SLC4A4: variants seen among roughly 807,000 people sequenced by gnomAD.
The protein encoded by SLC4A4 is solute carrier family 4 member 4.
Under a neutral mutation model 111.5 loss-of-function variants are expected in SLC4A4, and 27 were observed. That is an observed-to-expected ratio of 0.24 (90% CI 0.18 to 0.33). The LOEUF (loss-of-function observed/expected upper bound fraction) is 0.33, where lower values mean the gene tolerates loss of function less well. Among genes scored for constraint, SLC4A4 ranks in the 10% least tolerant of loss-of-function variants. The probability of loss-of-function intolerance (pLI) is 1.00; values close to 1 mark genes in which losing one functional copy is unlikely to be tolerated. For missense variants in SLC4A4, 909 were observed against 1,315.5 expected, an observed-to-expected ratio of 0.69 and a Z score of 4.78; for synonymous variants, 443 against 463.4, an observed-to-expected ratio of 0.96 and a Z score of 0.57.
intron 2 of SLC4A4, among the ~76,000 whole-genome samples, chr4:71,101,050 G>C (rs531181057): frequency 4.6e-5 from 7 of 152,148 alleles, no homozygotes; most frequent in African/African-American, 1.7e-4. Context: ...ACGAGGTCAG[G>C]AGATTGAGAG....
chr4:71,319,340 A>G (rs1726945647), intron 3 of SLC4A4, among the ~76,000 whole-genome samples: 1 of 151,932 alleles, frequency 6.6e-6, no homozygotes, highest in African/African-American at 2.4e-5. Flanking sequence ...AGTTGGTTAT[A>G]TGCCTTTACC....
At chr4:71,451,410 A>G (rs1560520284) in intron 11 of SLC4A4, 109 bp downstream of exon 11, 4 of 765,696 alleles carry the variant, frequency 5.2e-6, no homozygotes, top group South Asian at 2.9e-5. Flanking sequence ...TCAGCCAACA[A>G]ATATTTATGG....
intron 18 of SLC4A4, among the ~76,000 whole-genome samples, chr4:71,536,464 A>ATATATATATATATATATAT (rs1491184065): frequency 3.8e-5 from 2 of 53,330 alleles, no homozygotes; most frequent in Non-Finnish European, 3.8e-5. Flanking sequence ...ATACATATAT[A>ATATATATATATATATATAT]CATATATATA....
At chr4:71,388,092 T>A (rs527682563) in intron 6 of SLC4A4, among the ~76,000 whole-genome samples, 168 of 152,316 alleles carry the variant, frequency 1.1e-3, no homozygotes, top group African/African-American at 3.6e-3. Flanking sequence ...CGTTGATAGG[T>A]TTTCCCTCTT....
intron 6 of SLC4A4, among the ~76,000 whole-genome samples, chr4:71,363,245 G>A (rs1730959419): frequency 6.6e-6 from 1 of 152,162 alleles, no homozygotes; most frequent in Non-Finnish European, 1.5e-5. Context: ...AGTAATTTTA[G>A]GCTCCAGTGA....
At chr4:71,478,665 T>C (rs994411205) in intron 14 of SLC4A4, among the ~76,000 whole-genome samples, 7 of 151,446 alleles carry the variant, frequency 4.6e-5, no homozygotes, top group Non-Finnish European at 8.9e-5. Flanking sequence ...GATGGGTTGA[T>C]GGGTACAGCA....
At chr4:71,207,404 G>T (rs771341900) in intron 1 of SLC4A4, among the ~76,000 whole-genome samples, 1 of 152,144 alleles carries the variant, frequency 6.6e-6, no homozygotes, top group Non-Finnish European at 1.5e-5. Flanking sequence ...GCATGTGTGA[G>T]GATAAATTTA....
chr4:71,341,472 A>G (rs1216794305), intron 4 of SLC4A4, among the ~76,000 whole-genome samples: 1 of 152,166 alleles, frequency 6.6e-6, no homozygotes, highest in African/African-American at 2.4e-5. Context: ...AAATCGCTTT[A>G]ATCAATTAGA....
intron 2 of SLC4A4, among the ~76,000 whole-genome samples, chr4:71,237,791 G>A (rs1378310813): frequency 6.6e-6 from 1 of 152,112 alleles, no homozygotes; most frequent in East Asian, 1.9e-4. Context: ...GCCTCCACCC[G>A]CCCCCCTCAA....
intron 3 of SLC4A4, among the ~76,000 whole-genome samples, chr4:71,270,140 T>C (rs1722598021): frequency 1.3e-5 from 2 of 152,138 alleles, no homozygotes; most frequent in African/African-American, 4.8e-5. Flanking sequence ...CAGGCAAGAG[T>C]GCAATGGCGC....
intron 18 of SLC4A4, among the ~76,000 whole-genome samples, chr4:71,538,004 A>G (rs1241943182): frequency 6.6e-6 from 1 of 151,788 alleles, no homozygotes; most frequent in African/African-American, 2.4e-5. Flanking sequence ...TCTAAAATAT[A>G]TTTTCTGTGT....
intron 2 of SLC4A4, among the ~76,000 whole-genome samples, chr4:71,240,109 G>A (rs771749102): frequency 1.9e-4 from 29 of 152,146 alleles, no homozygotes; most frequent in Non-Finnish European, 2.9e-4. Flanking sequence ...TGCTAATTAC[G>A]TAGTGAATGA....
chr4:71,299,216 T>C (rs1228710094), intron 3 of SLC4A4, among the ~76,000 whole-genome samples: 1 of 152,224 alleles, frequency 6.6e-6, no homozygotes, highest in Non-Finnish European at 1.5e-5. Flanking sequence ...CTTTCTATTG[T>C]TTAGGCCATA....
At chr4:71,539,913 T>G (rs539744660) in intron 18 of SLC4A4, among the ~76,000 whole-genome samples, 1 of 152,302 alleles carries the variant, frequency 6.6e-6, no homozygotes, top group African/African-American at 2.4e-5. Context: ...GGGTGATAAC[T>G]GCAAAACATA....
intron 25 of SLC4A4, among the ~76,000 whole-genome samples, chr4:71,567,567 A>T (rs1221339122): frequency 6.6e-6 from 1 of 151,676 alleles, no homozygotes; most frequent in Non-Finnish European, 1.5e-5. Flanking sequence ...TATTAATTTA[A>T]TCTAGGTATG....
chr4:71,364,054 A>G (rs1312041049), intron 6 of SLC4A4, among the ~76,000 whole-genome samples: 1 of 152,210 alleles, frequency 6.6e-6, no homozygotes, highest in Non-Finnish European at 1.5e-5. Context: ...TTTTTCTCCA[A>G]GGGTCAATCT....
Position 71,557,705 on chromosome 4 carries a change from T to A in SLC4A4, c.2764-7T>A. ...GCAGTTGGACTCCTTTCCTCTTTCCTCCCCAGTTCATGGATCGTCTGAAGC... is the reference window on the plus strand; with the variant it reads ...GCAGTTGGACTCCTTTCCTCTTTCCACCCCAGTTCATGGATCGTCTGAAGC... On this transcript the variant is annotated splice_region_variant and splice_polypyrimidine_tract_variant and intron_variant, in intron 21 of 25. Coordinates refer to ENST00000264485, the MANE Select transcript of SLC4A4 (RefSeq NM_001098484.3). The A allele has an allele frequency of 6.2e-7, 1 of 1,612,416 alleles. No homozygotes were observed. The highest frequency in any genetic ancestry group is 8.5e-7 in the Non-Finnish European group (1 of 1,179,062).
chr4:71,381,802 T>G (rs1251968003), intron 6 of SLC4A4, among the ~76,000 whole-genome samples: 1 of 151,920 alleles, frequency 6.6e-6, no homozygotes. Context: ...CTAGACTGTT[T>G]TTGTTTGTTT....
chr4:71,547,480 C>T (rs1287608636), intron 19 of SLC4A4, among the ~76,000 whole-genome samples, 168 bp from the exon 20 acceptor site: 6 of 151,950 alleles, frequency 3.9e-5, no homozygotes, highest in African/African-American at 7.2e-5. Context: ...TTTATAGTTA[C>T]GTTGGGTTTA....
Sources: allele counts gnomAD v4.1 joint callset (sites outside exome capture counted in the v4.1 genomes callset), GRCh38; gene constraint gnomAD v4.1.1; transcripts MANE v1.5; gene names NCBI Gene and HGNC (gene_info 2026-07-23, HGNC 2026-07-21).